ARHGEF10L: variants seen among roughly 807,000 people sequenced by gnomAD.
ARHGEF10L encodes rho guanine nucleotide exchange factor 10-like protein.
A neutral mutation model predicts 141.2 loss-of-function variants in ARHGEF10L; 69 were observed. That is an observed-to-expected ratio of 0.49 (90% CI 0.40 to 0.60). The LOEUF (loss-of-function observed/expected upper bound fraction) is 0.60, where lower values mean the gene tolerates loss of function less well. ARHGEF10L is among the 20% of genes least tolerant of loss of function. The probability of loss-of-function intolerance (pLI) is 0.00; values close to 1 mark genes in which losing one functional copy is unlikely to be tolerated. For synonymous variants in ARHGEF10L, 711 were observed against 718.5 expected (o/e 0.99, Z 0.17); for missense variants, 1,482 against 1,734.3 (o/e 0.85, Z 2.58).
At position 17,667,082 on chromosome 1, in the gene ARHGEF10L, C is replaced by T. The variant is rs562298198; in HGVS notation, c.3009+2487C>T. On this transcript the variant is annotated intron_variant, in intron 26 of 28. Transcript: ENST00000361221. Reference sequence around the variant, plus strand: ...ACAGCAGGTCTGACTGCTCTGCAAGCGGTCTCCTGCAGACCCCCTAGCACA... The same window carrying T: ...ACAGCAGGTCTGACTGCTCTGCAAGTGGTCTCCTGCAGACCCCCTAGCACA... 9.8e-5 allele frequency among the ~76,000 whole-genome samples: 15 copies of T among 152,342 alleles called. No individual in the cohort carries two copies. The South Asian group carries it at 2.7e-3, about 27-fold the overall frequency.
chr1:17,602,902 T>C (rs1570803369), intron 5 of ARHGEF10L, among the ~76,000 whole-genome samples: 1 of 151,736 alleles, frequency 6.6e-6, no homozygotes, highest in African/African-American at 2.4e-5. Flanking sequence ...ATCGTGGTCT[T>C]GTAGGACAGG....
chr1:17,665,913 G>A (rs1158189534), intron 26 of ARHGEF10L, among the ~76,000 whole-genome samples: 1 of 152,192 alleles, frequency 6.6e-6, no homozygotes, highest in Non-Finnish European at 1.5e-5. Context: ...GGAGGCCTGG[G>A]AACCTGTGAG....
intron 27 of ARHGEF10L, 187 bp from the exon 28 acceptor site, chr1:17,694,971 A>G: frequency 1.2e-6 from 1 of 812,856 alleles, no homozygotes. Flanking sequence ...GCTCAGCTGC[A>G]GGACCTCGTG....
chr1:17,645,747 C>A (rs1366406003), intron 21 of ARHGEF10L, among the ~76,000 whole-genome samples: 1 of 152,232 alleles, frequency 6.6e-6, no homozygotes, highest in African/African-American at 2.4e-5. Flanking sequence ...CCGTGCAAGG[C>A]GCCCCCGTGG....
At chr1:17,651,713 C>G (rs1304616945) in intron 22 of ARHGEF10L, among the ~76,000 whole-genome samples, 1 of 152,190 alleles carries the variant, frequency 6.6e-6, no homozygotes, top group East Asian at 1.9e-4. Context: ...CCAGAAGCAT[C>G]CTCAGTCCTG....
chr1:17,601,736 G>A (rs868210812), intron 4 of ARHGEF10L, among the ~76,000 whole-genome samples: 6 of 152,246 alleles, frequency 3.9e-5, no homozygotes, highest in South Asian at 2.1e-4. Context: ...ATGAGCTACC[G>A]TGTCCAGCCA....
Position 17,697,499 on chromosome 1 carries a change from T to TA in ARHGEF10L, c.*119_*120insA. ...GGGCCTGGACTCTCCAGAAACTACT[T>TA]GGGCAGAGCAAAGGAAAACCTCTTG... On this transcript the variant is annotated 3_prime_UTR_variant, in exon 29 of 29. Coordinates refer to ENST00000361221, the MANE Select transcript of ARHGEF10L (RefSeq NM_018125.4). The surrounding 1 kb of genome is among the most constrained non-coding windows in gnomAD (Gnocchi z 4.8). The TA allele has an allele frequency of 7.9e-7, 1 of 1,266,508 alleles. No homozygotes were observed. The highest frequency in any genetic ancestry group is 1.6e-5 in the South Asian group (1 of 64,046). 78.5% of individuals were successfully genotyped at this position (1,266,508 alleles called of 1,614,324 possible).
At chr1:17,618,254 C>CCCA in intron 9 of ARHGEF10L, 11 of 1,300,988 alleles carry the variant, frequency 8.5e-6, no homozygotes, top group Non-Finnish European at 9.2e-6. Flanking sequence ...CTCTCCTCAG[C>CCCA]CCTCCCCACC....
At chr1:17,680,398 C>A (rs2064027755) in intron 26 of ARHGEF10L, among the ~76,000 whole-genome samples, 2 of 152,232 alleles carry the variant, frequency 1.3e-5, no homozygotes, top group Non-Finnish European at 1.5e-5. Context: ...GAAGCGTCAC[C>A]TGGAGGCACA....
rs375966954 is a variant in ARHGEF10L, at chr1:17,640,218, A to G, written c.2188A>G (p.Ser730Gly). The change falls in exon 21 of 29, where the codon AGC (serine) becomes GGC (glycine). Residue 730 changes from serine (S) to glycine (G), a missense_variant. By Grantham distance (56) the Ser-to-Gly change is moderately conservative. Around this residue, in one of 3 missense-constraint regions of ARHGEF10L, gnomAD observed 858 missense variants for 966.3 expected, o/e 0.89. Coordinates refer to ENST00000361221, the MANE Select transcript of ARHGEF10L (RefSeq NM_018125.4). Reference protein sequence around the residue: ...GKPDKSGRPISFMVVFITPNP... With the variant: ...GKPDKSGRPIGFMVVFITPNP... The stretch of plus-strand genomic sequence containing the variant: ...TCACCACAGGTCCGGCCGCCCCATT[A>G]GCTTCATGGTGGTTTTCATCACCCC... The G allele has an allele frequency of 1.2e-6, 2 of 1,612,270 alleles. No individual in the cohort carries two copies. The highest frequency in any genetic ancestry group is 2.7e-5 in the African/African-American group (2 of 74,996).
rs191264392 is a variant in ARHGEF10L at position 17,651,471 on chromosome 1, C to T, written c.2394+2796C>T. On this transcript the variant is annotated intron_variant, in intron 22 of 28. Coordinates refer to ENST00000361221, the MANE Select transcript of ARHGEF10L (RefSeq NM_018125.4). ...TGGCCCTGGGTGACTTTATGGTGGG[C>T]GTTGGATTCTCCTGTCTCCCCCAGG... Among the ~76,000 whole-genome samples, 256 of 152,254 alleles carry T rather than the reference C, an allele frequency of 1.7e-3. 2 individuals carry two copies. The highest frequency in any genetic ancestry group is 2.8e-3 in the Non-Finnish European group (192 of 67,998).
intron 4 of ARHGEF10L, among the ~76,000 whole-genome samples, chr1:17,601,190 C>T (rs1213188202): frequency 2.6e-5 from 4 of 152,040 alleles, no homozygotes; most frequent in Non-Finnish European, 5.9e-5. Context: ...TGGGGTTATG[C>T]GTTTTGGATA....
chr1:17,561,781 G>A (rs779545196), intron 1 of ARHGEF10L, among the ~76,000 whole-genome samples: 2 of 152,164 alleles, frequency 1.3e-5, no homozygotes, highest in African/African-American at 4.8e-5. Flanking sequence ...TCCCTAATAC[G>A]GTCTCCTGTG....
rs778369914 is a variant in ARHGEF10L, at chr1:17,638,611, T to C, written c.2093T>C (p.Leu698Pro). The change falls in exon 20 of 29, where the codon CTG becomes CCG. Residue 698 changes from leucine (L) to proline (P), a missense_variant. Physicochemically the swap from Leu to Pro is moderately conservative, Grantham distance 98. Around this residue, in one of 3 missense-constraint regions of ARHGEF10L, gnomAD observed 858 missense variants for 966.3 expected, o/e 0.89. Coordinates refer to ENST00000361221, the MANE Select transcript of ARHGEF10L (RefSeq NM_018125.4). ...AQDWCLALQR[L>P]MRVKEEEIHS... ...GACTGGTGCCTGGCCCTGCAGAGGC[T>C]GATGCGGGTGAAGGAGGAAGAGATC... is the stretch of plus-strand genomic sequence containing the variant. The C allele has an allele frequency of 1.9e-6, 3 of 1,614,038 alleles. No homozygotes were observed. The highest frequency in any genetic ancestry group is 8.5e-7 in the Non-Finnish European group (1 of 1,180,040).
chr1:17,544,627 C>T (rs74569348), intron 1 of ARHGEF10L, among the ~76,000 whole-genome samples: 3,785 of 152,168 alleles, frequency 0.025, 102 homozygotes, highest in East Asian at 0.15. Context: ...AATAAATACT[C>T]AATTTTTTTC....
At chr1:17,568,045 C>A (rs1204992298) in intron 1 of ARHGEF10L, among the ~76,000 whole-genome samples, 2 of 152,158 alleles carry the variant, frequency 1.3e-5, no homozygotes, top group African/African-American at 4.8e-5. Flanking sequence ...GCAGGTACTG[C>A]ATGGTCAGAT....
chr1:17,636,083 G>A (rs746346377), intron 18 of ARHGEF10L, among the ~76,000 whole-genome samples: 8 of 152,096 alleles, frequency 5.3e-5, no homozygotes, highest in Middle Eastern at 3.2e-3. Context: ...TGCCTTCCTC[G>A]GAGGCACCTT....
At chr1:17,608,074 A>G in intron 7 of ARHGEF10L, 97 bp downstream of exon 7, 1 of 1,246,250 alleles carries the variant, frequency 8.0e-7, no homozygotes, top group Non-Finnish European at 1.0e-6. Flanking sequence ...GGCCAGGCCT[A>G]GGACTCACGT....
intron 26 of ARHGEF10L, among the ~76,000 whole-genome samples, chr1:17,679,944 G>T (rs2063986597): frequency 6.6e-6 from 1 of 152,182 alleles, no homozygotes; most frequent in South Asian, 2.1e-4. Context: ...ACTGGGCCGG[G>T]AATGGGTGGC....
Sources: gnomAD v4.1 joint callset for allele counts (sites outside exome capture counted in the v4.1 genomes callset) on GRCh38, gnomAD v4.1.1 for gene constraint, gnomAD v4.1.1 regional missense constraint, Gnocchi (gnomAD v3.1) non-coding constraint, MANE v1.5 for transcripts, NCBI Gene and HGNC (gene_info 2026-07-23, HGNC 2026-07-21) for gene names.